TNXB: variants seen among roughly 807,000 people sequenced by gnomAD.
TNXB encodes tenascin XB.
In TNXB, 183 loss-of-function variants were observed where a neutral mutation model predicts 340.5. The observed-to-expected ratio is 0.54, with a 90% CI of 0.48 to 0.61. The LOEUF (loss-of-function observed/expected upper bound fraction) is 0.61. TNXB is among the 20% of genes least tolerant of loss of function. The pLI is 0.00. For synonymous variants in TNXB, 2,121 were observed against 2,314.5 expected (o/e 0.92, Z 2.40); for missense variants, 4,613 against 5,446.4 (o/e 0.85, Z 4.82).
At position 32,096,595 on chromosome 6, in the gene TNXB, C is replaced by T. The variant is rs780536658; in HGVS notation, c.1258G>A (p.Val420Met). Residue 420 changes from valine to methionine, a missense_variant, in exon 3 of 44, where the codon GTG becomes ATG. Physicochemically the swap from Val to Met is conservative, Grantham distance 21. Around this residue, in one of 7 missense-constraint regions of TNXB, gnomAD observed 4,327 missense variants for 4,859.4 expected, o/e 0.89. Coordinates refer to ENST00000644971, the MANE Select transcript of TNXB (RefSeq NM_001365276.2). Reference sequence around the variant, plus strand: ...GTTCCAGTGTACCCCGGCCAGCACACGCAGCGGCCGTCCTCGCAGCGGCCC... The same window carrying T: ...GTTCCAGTGTACCCCGGCCAGCACATGCAGCGGCCGTCCTCGCAGCGGCCC... The part of the protein sequence containing the change: ...QRGRCEDGRC[V>M]CWPGYTGTDC... 1.3e-6 allele frequency: 2 copies of T among 1,582,632 alleles called. No homozygotes were observed. The highest frequency in any genetic ancestry group is 1.8e-5 in the Admixed American group (1 of 56,052).
In TNXB at chr6:32,064,897, G is replaced by A; in HGVS notation, c.6765C>T (p.Asp2255=). The change falls in exon 19 of 44, where the codon GAC becomes GAT. Residue 2255 remains aspartate, a synonymous_variant. Coordinates refer to ENST00000644971, the MANE Select transcript of TNXB (RefSeq NM_001365276.2). This position sits in a 1 kb window ranked among gnomAD's most constrained non-coding sequence, Gnocchi z 5.3. ...DGVTISGLEP[D]HKYKMNLYGF... ...CGTACAGGTTCATCTTGTACTTGTG[G>A]TCTGGCTCCAGGCCCGAGATGGTGA... 2 of 1,612,740 alleles carry A rather than the reference G, an allele frequency of 1.2e-6. No individual in the cohort carries two copies. The highest frequency in any genetic ancestry group is 1.7e-6 in the Non-Finnish European group (2 of 1,179,870).
At chr6:32,066,399 AAATCAATCAATC>A (rs146024056) in intron 18 of TNXB, among the ~76,000 whole-genome samples, 1 of 151,956 alleles carries the variant, frequency 6.6e-6, no homozygotes, top group East Asian at 1.9e-4. Flanking sequence ...GTCTCAAAAA[AAATCAATCAATC>A]AATCAATCAA....
rs1231681959 is a variant in TNXB, at chr6:32,067,724, T to C, written c.6481A>G (p.Met2161Val). Residue 2161 changes from methionine (M) to valine (V), a missense_variant, in exon 18 of 44, where the codon ATG becomes GTG. Physicochemically the swap from Met to Val is conservative, Grantham distance 21. Coordinates refer to ENST00000644971, the MANE Select transcript of TNXB (RefSeq NM_001365276.2). This position sits in a 1 kb window ranked among gnomAD's most constrained non-coding sequence, Gnocchi z 4.2. ...CCCTCGTGGAGGCCGTACAGGTGCA[T>C]CTTGTACTTGCGCCCAGGCTCCAGG... ...GGLEPGRKYK[M>V]HLYGLHEGRR... 16 of 1,613,814 alleles carry C rather than the reference T, an allele frequency of 9.9e-6. No homozygotes were observed. Among genetic ancestry groups the C allele is most frequent in the Non-Finnish European group, 1.2e-5 (14 of 1,179,858 alleles).
Position 32,061,847 on chromosome 6 carries a change from T to C in TNXB, c.7169-127A>G. 1 of 1,327,850 alleles carries C rather than the reference T, an allele frequency of 7.5e-7. No individual in the cohort carries two copies. The highest frequency in any genetic ancestry group is 1.0e-6 in the Non-Finnish European group (1 of 984,896). 82.3% of individuals were successfully genotyped at this position (1,327,850 alleles called of 1,614,324 possible). ...TAGCCAAGGCTATGACTAGGGGACC[T>C]GAGGTCAGTTCAGAGAGGCCCATTC... On this transcript the variant is annotated intron_variant, in intron 20 of 43. Coordinates refer to ENST00000644971, the MANE Select transcript of TNXB (RefSeq NM_001365276.2). The surrounding 1 kb of genome is among the most constrained non-coding windows in gnomAD (Gnocchi z 4.4).
At chr6:32,059,431 A>AAG (rs1777879441) in intron 21 of TNXB, among the ~76,000 whole-genome samples, 1 of 149,742 alleles carries the variant, frequency 6.7e-6, no homozygotes, top group Non-Finnish European at 1.5e-5. Context: ...AAAAAAAAAA[A>AAG]AAAAAGAAAA....
In TNXB at chr6:32,068,057, T is replaced by G; in HGVS notation, c.6221-73A>C. 6.4e-7 allele frequency: 1 copy of G among 1,550,660 alleles called. No homozygotes were observed. The highest frequency in any genetic ancestry group is 8.7e-7 in the Non-Finnish European group (1 of 1,147,396). ...GAAAAGGAGGGAGAAGCCAAGGCTA[T>G]GACTGGGGGACCCGAGGTCAGTTCA... On this transcript the variant is annotated intron_variant, in intron 17 of 43. Coordinates refer to ENST00000644971, the MANE Select transcript of TNXB (RefSeq NM_001365276.2). This position sits in a 1 kb window ranked among gnomAD's most constrained non-coding sequence, Gnocchi z 5.3.
rs1389734692 is a variant in TNXB, at chr6:32,072,212, G to C, written c.4768C>G (p.Pro1590Ala). 6.2e-7 allele frequency: 1 copy of C among 1,611,792 alleles called. No homozygotes were observed. Among genetic ancestry groups the C allele is most frequent in the Non-Finnish European group, 8.5e-7 (1 of 1,179,170 alleles). ...LGELTVTDIT[P>A]DSVGLSWTVP... ...GTCCATGAGAGGCCCACAGAGTCAG[G>C]GGTTATATCCGTCACTGTCAGCTCC... is the stretch of plus-strand genomic sequence containing the variant. Residue 1590 changes from proline (P) to alanine (A), a missense_variant, in exon 13 of 44, where the codon CCT becomes GCT. Physicochemically the swap from Pro to Ala is conservative, Grantham distance 27. This residue lies in a region of TNXB where 4,327 missense variants were observed against 4,859.4 expected (regional missense o/e 0.89). Coordinates refer to ENST00000644971, the MANE Select transcript of TNXB (RefSeq NM_001365276.2). This position sits in a 1 kb window ranked among gnomAD's most constrained non-coding sequence, Gnocchi z 4.4.
In TNXB at chr6:32,052,960, G is replaced by A. The variant is rs979496488; in HGVS notation, c.8825C>T (p.Pro2942Leu). Residue 2942 changes from proline (P) to leucine (L), a missense_variant, in exon 26 of 44, where the codon CCC becomes CTC. Physicochemically the swap from Pro to Leu is moderately conservative, Grantham distance 98. This residue lies in a region of TNXB where 4,327 missense variants were observed against 4,859.4 expected (regional missense o/e 0.89). Transcript: ENST00000644971. This position sits in a 1 kb window ranked among gnomAD's most constrained non-coding sequence, Gnocchi z 4.7. ...AGGGGGCTCCGGGGCCTCCGTGCTG[G>A]GTTCTGTGGGGGCGGGAGTTTCTTC... ...AEEETPAPTE[P>L]STEAPEPPEE... The A allele has an allele frequency of 2.5e-6, 4 of 1,612,130 alleles. No individual in the cohort carries two copies. The highest frequency in any genetic ancestry group is 3.3e-5 in the Admixed American group (2 of 59,976).
chr6:32,045,973 C>A (rs1450739839), intron 31 of TNXB: 1 of 1,310,658 alleles, frequency 7.6e-7, no homozygotes, highest in African/African-American at 1.5e-5. Flanking sequence ...GGGCCTTTCC[C>A]TCCCGCCTGG....
At position 32,056,167 on chromosome 6, in the gene TNXB, C is replaced by T. The variant is rs1340731375; in HGVS notation, c.8151G>A (p.Glu2717=). The change falls in exon 24 of 44, where the codon GAG becomes GAA. Residue 2717 remains glutamate (E), a synonymous_variant. Coordinates refer to ENST00000644971, the MANE Select transcript of TNXB (RefSeq NM_001365276.2). ...GTTCCGTGGGGCTGGGGGTCTCTTC[C>T]TCTGCAGCTGAGAAAAGGAGATATA... ...PISVIGVTAA[E]EETPSPTELS... is the part of the protein sequence containing the mutation. 1 of 1,610,930 alleles carries T rather than the reference C, an allele frequency of 6.2e-7. No homozygotes were observed. The highest frequency in any genetic ancestry group is 8.5e-7 in the Non-Finnish European group (1 of 1,178,624).
Position 32,067,911 on chromosome 6 carries a change from C to G in TNXB, c.6294G>C (p.Leu2098=), listed in dbSNP as rs558446541. ...AGGATCCTGTCACTGTTAGCTCCCC[C>G]AGGAGCGGCTCCTCAGCGGGCTCCG... ...EAPEPAEEPL[L]GELTVTGSSP... The change falls in exon 18 of 44, where the codon CTG becomes CTC. Residue 2098 remains leucine (L), a synonymous_variant. Coordinates refer to ENST00000644971, the MANE Select transcript of TNXB (RefSeq NM_001365276.2). The surrounding 1 kb of genome is among the most constrained non-coding windows in gnomAD (Gnocchi z 4.2). 1.3e-5 allele frequency: 21 copies of G among 1,612,564 alleles called. No individual in the cohort carries two copies. Among genetic ancestry groups the G allele is most frequent in the Non-Finnish European group, 1.5e-5 (18 of 1,179,884 alleles).
chr6:32,079,131 G>A lies in TNXB; in HGVS notation c.4277C>T (p.Thr1426Ile). Residue 1426 changes from threonine (T) to isoleucine (I), a missense_variant, in exon 11 of 44, where the codon ACC (threonine) becomes ATC (isoleucine). Thr to Ile is a moderately conservative substitution (Grantham distance 89, BLOSUM62 -1). This residue lies in a region of TNXB where 4,327 missense variants were observed against 4,859.4 expected (regional missense o/e 0.89). Transcript: ENST00000644971. The surrounding 1 kb of genome is among the most constrained non-coding windows in gnomAD (Gnocchi z 7.1). ...GTGCCCGGGCTCTAGGCCTCCCACG[G>A]TGACCTCACTCTCCTTGCCCCCAAC... ...VRVGGKESEV[T>I]VGGLEPGHKY... The A allele has an allele frequency of 6.2e-7, 1 of 1,613,864 alleles. No homozygotes were observed. The highest frequency in any genetic ancestry group is 1.1e-5 in the South Asian group (1 of 91,078).
chr6:32,090,793 C>A lies in TNXB; in HGVS notation c.2359-1414G>T, dbSNP rs969011256. Among the ~76,000 whole-genome samples the A allele has an allele frequency of 2.6e-5, 4 of 152,166 alleles. No individual in the cohort carries two copies. The highest frequency in any genetic ancestry group is 4.4e-5 in the Non-Finnish European group (3 of 68,032). On this transcript the variant is annotated intron_variant, in intron 4 of 43. Coordinates refer to ENST00000644971, the MANE Select transcript of TNXB (RefSeq NM_001365276.2). The surrounding 1 kb of genome is among the most constrained non-coding windows in gnomAD (Gnocchi z 4.3). Reference sequence around the variant, plus strand: ...CTAGGAAGCCTTGGGTTGGCCTCAACTCAAGACCCATGAAATCCTTACCCT... The same window carrying A: ...CTAGGAAGCCTTGGGTTGGCCTCAAATCAAGACCCATGAAATCCTTACCCT...
chr6:32,101,788 A>G (rs1780735757), intron 1 of TNXB, among the ~76,000 whole-genome samples: 1 of 151,564 alleles, frequency 6.6e-6, no homozygotes, highest in Admixed American at 6.6e-5. Context: ...CAGTGGCACA[A>G]TCACAGCTCA....
intron 18 of TNXB, among the ~76,000 whole-genome samples, chr6:32,065,508 G>A (rs1034869758): frequency 1.6e-4 from 24 of 152,124 alleles, no homozygotes; most frequent in African/African-American, 5.8e-4. Flanking sequence ...AACAAATTGG[G>A]AAACAACAAT....
At chr6:32,095,481 C>A in intron 3 of TNXB, 130 bp downstream of exon 3, 1 of 1,213,144 alleles carries the variant, frequency 8.2e-7, no homozygotes, top group Non-Finnish European at 1.1e-6. Flanking sequence ...GGTTCTGCTG[C>A]CCCTGGTGGG....
At position 32,096,963 on chromosome 6, in the gene TNXB, C is replaced by T; in HGVS notation, c.890G>A (p.Cys297Tyr). The change falls in exon 3 of 44, where the codon TGT becomes TAT. Residue 297 changes from cysteine (C) to tyrosine (Y), a missense_variant. By Grantham distance (194) the Cys-to-Tyr change is radical. This residue lies in a region of TNXB where 4,327 missense variants were observed against 4,859.4 expected (regional missense o/e 0.89). Transcript: ENST00000644971. Reference sequence around the variant, plus strand: ...GTCCTCGCCAGTGTAGCCGGGGTTACACACGCAGCGCCCATTCTCACAGCG... The same window carrying T: ...GTCCTCGCCAGTGTAGCCGGGGTTATACACGCAGCGCCCATTCTCACAGCG... ...RGRCENGRCV[C>Y]NPGYTGEDCG... is the part of the protein sequence containing the mutation. 1.2e-6 allele frequency: 2 copies of T among 1,605,740 alleles called. No homozygotes were observed. Among genetic ancestry groups the T allele is most frequent in the Non-Finnish European group, 1.7e-6 (2 of 1,173,398 alleles).
chr6:32,065,952 A>G (rs1192385767), intron 18 of TNXB, among the ~76,000 whole-genome samples: 1 of 152,082 alleles, frequency 6.6e-6, no homozygotes, highest in African/African-American at 2.4e-5. Flanking sequence ...ACCTGGCCAT[A>G]TTGTGGATTT....
rs1778880546 is a variant in TNXB at position 32,073,252 on chromosome 6, T to A, written c.4681+395A>T. On this transcript the variant is annotated intron_variant, in intron 12 of 43. Transcript: ENST00000644971. The surrounding 1 kb of genome is among the most constrained non-coding windows in gnomAD (Gnocchi z 4.6). ...AGAAGGGACTCAGGATGTAAAGCAC[T>A]TCGCCTCAACAAAAAAGGGCAGAAG... is the stretch of plus-strand genomic sequence containing the variant. Among the ~76,000 whole-genome samples the A allele has an allele frequency of 6.6e-6, 1 of 152,062 alleles. No homozygotes were observed. The highest frequency in any genetic ancestry group is 2.4e-5 in the African/African-American group (1 of 41,388).
Sources: gnomAD v4.1 joint callset for allele counts (sites outside exome capture counted in the v4.1 genomes callset) on GRCh38, gnomAD v4.1.1 for gene constraint, gnomAD v4.1.1 regional missense constraint, Gnocchi (gnomAD v3.1) non-coding constraint, MANE v1.5 for transcripts, NCBI Gene and HGNC (gene_info 2026-07-23, HGNC 2026-07-21) for gene names.